The following RSBN1L variants were observed in gnomAD, a reference collection of about 807,000 sequenced individuals.
RSBN1L encodes round spermatid basic protein 1 like, also known as lysine-specific demethylase RSBN1L.
Under a neutral mutation model 67.7 loss-of-function variants are expected in RSBN1L, and 30 were observed. The observed-to-expected ratio is 0.44, with a 90% confidence interval of 0.33 to 0.60. The LOEUF (loss-of-function observed/expected upper bound fraction) is 0.60. Ranked by LOEUF, RSBN1L falls within the 20% of genes least tolerant of loss-of-function variation. The pLI is 0.02. For missense variants in RSBN1L, 992 were observed against 1,031.7 expected (o/e 0.96, Z 0.53); for synonymous variants, 433 against 387.0 (o/e 1.12, Z -1.39).
At chr7:77,734,190 C>T (rs1313601660) in intron 1 of RSBN1L, among the ~76,000 whole-genome samples, 1 of 152,040 alleles carries the variant, frequency 6.6e-6, no homozygotes, top group African/African-American at 2.4e-5. Flanking sequence ...ATCCTGAGTA[C>T]CTTTAGGGGT....
At chr7:77,775,981 A>G (rs913122368) in intron 6 of RSBN1L, among the ~76,000 whole-genome samples, 4 of 151,918 alleles carry the variant, frequency 2.6e-5, no homozygotes, top group African/African-American at 9.7e-5. Context: ...GCTTGAACCT[A>G]GGAGGTGAAG....
intron 1 of RSBN1L, among the ~76,000 whole-genome samples, chr7:77,729,700 C>A (rs1338610693): frequency 6.6e-6 from 1 of 152,114 alleles, no homozygotes; most frequent in Non-Finnish European, 1.5e-5. Flanking sequence ...CCACTGTAAT[C>A]CCAGCACTTT....
At chr7:77,736,289 A>G (rs560106557) in intron 1 of RSBN1L, 121 bp from the exon 2 acceptor site, 1 of 354,030 alleles carries the variant, frequency 2.8e-6, no homozygotes, top group Non-Finnish European at 4.7e-6. Flanking sequence ...AAAAGGCATT[A>G]TTTGTTCCTC....
chr7:77,762,264 A>G (rs1402123041), intron 3 of RSBN1L, among the ~76,000 whole-genome samples: 1 of 152,144 alleles, frequency 6.6e-6, no homozygotes, highest in Non-Finnish European at 1.5e-5. Flanking sequence ...CAGGGTCTCT[A>G]AAAAATCCTT....
chr7:77,713,681 A>G (rs1202171300), intron 1 of RSBN1L, among the ~76,000 whole-genome samples: 1 of 147,130 alleles, frequency 6.8e-6, no homozygotes, highest in African/African-American at 2.5e-5. Flanking sequence ...TTTTTTTTTA[A>G]AAATAGAGAC....
chr7:77,764,565 A>T (rs1791737802), intron 3 of RSBN1L, among the ~76,000 whole-genome samples: 1 of 152,160 alleles, frequency 6.6e-6, no homozygotes, highest in Non-Finnish European at 1.5e-5. Flanking sequence ...TCTGAAGGTC[A>T]TGTAACTGGT....
chr7:77,726,776 A>T lies in RSBN1L; in HGVS notation c.587-9634A>T, dbSNP rs1454934559. ...AGGCGCGTGCCACCACACCCAGCTA[A>T]TTTTTTTTTTTTTTTTTTTTTGAGG... On this transcript the variant is annotated intron_variant, in intron 1 of 7. Transcript: ENST00000334955. Among the ~76,000 whole-genome samples, 88 of 112,280 alleles carry T rather than the reference A, an allele frequency of 7.8e-4. 1 individual carries two copies. Among genetic ancestry groups the T allele is most frequent in the African/African-American group, 2.7e-3 (76 of 28,234 alleles). 73.7% of individuals were successfully genotyped at this position (112,280 alleles called of 152,430 possible).
intron 3 of RSBN1L, among the ~76,000 whole-genome samples, chr7:77,757,448 A>T (rs1791634727): frequency 6.6e-6 from 1 of 152,244 alleles, no homozygotes. Flanking sequence ...AGGAAACTGT[A>T]TCATGAAAGT....
At chr7:77,748,813 A>G (rs958482667) in intron 2 of RSBN1L, among the ~76,000 whole-genome samples, 2 of 152,112 alleles carry the variant, frequency 1.3e-5, no homozygotes, top group Admixed American at 6.6e-5. Context: ...ATATTCATTC[A>G]TCTCCTTATT....
At position 77,761,499 on chromosome 7, in the gene RSBN1L, A is replaced by AT. The variant is rs541394953; in HGVS notation, c.1345-3989dup. 9.9e-5 allele frequency among the ~76,000 whole-genome samples: 15 copies of AT among 152,222 alleles called. No individual in the cohort carries two copies. The South Asian group carries it at 2.7e-3, about 27-fold the overall frequency. ...GTGATTTTTAGAGAAATGAGGCTTG[A>AT]TTTTTTTGTAATAGGTGAATTCTGC... On this transcript the variant is annotated intron_variant, in intron 3 of 7. Coordinates refer to ENST00000334955, the MANE Select transcript of RSBN1L (RefSeq NM_198467.3).
At chr7:77,732,955 T>C (rs544771564) in intron 1 of RSBN1L, among the ~76,000 whole-genome samples, 1 of 152,290 alleles carries the variant, frequency 6.6e-6, no homozygotes, top group African/African-American at 2.4e-5. Flanking sequence ...TTATCATAGC[T>C]CTGCCATGTA....
intron 5 of RSBN1L, among the ~76,000 whole-genome samples, chr7:77,771,765 C>T (rs1480289330): frequency 6.6e-6 from 1 of 152,066 alleles, no homozygotes; most frequent in Non-Finnish European, 1.5e-5. Flanking sequence ...CTGCCTTGGC[C>T]TCCCAAAGTG....
chr7:77,763,031 G>T (rs920553932), intron 3 of RSBN1L, among the ~76,000 whole-genome samples: 17 of 152,062 alleles, frequency 1.1e-4, no homozygotes, highest in African/African-American at 4.1e-4. Context: ...CAGTGGCAAG[G>T]ACTTGATTAT....
chr7:77,753,461 T>C (rs1362975308), intron 3 of RSBN1L, among the ~76,000 whole-genome samples: 3 of 152,232 alleles, frequency 2.0e-5, no homozygotes, highest in African/African-American at 4.8e-5. Flanking sequence ...CAATTTCTTA[T>C]TTGCTTTTTT....
chr7:77,697,149 C>A, intron 1 of RSBN1L, 94 bp downstream of exon 1: 2 of 1,263,122 alleles, frequency 1.6e-6, no homozygotes, highest in Non-Finnish European at 2.0e-6. Flanking sequence ...GCGCGGCGGC[C>A]GCGTGCGCCG....
intron 1 of RSBN1L, among the ~76,000 whole-genome samples, chr7:77,734,515 A>G (rs966779001): frequency 5.3e-5 from 8 of 151,408 alleles, no homozygotes; most frequent in African/African-American, 1.9e-4. Context: ...CCAAGATGTA[A>G]TCTCACTCTG....
chr7:77,739,609 A>G (rs1791381043), intron 2 of RSBN1L, among the ~76,000 whole-genome samples: 1 of 139,252 alleles, frequency 7.2e-6, no homozygotes, highest in Admixed American at 7.4e-5. Context: ...GCTACTCGTG[A>G]GGCTGAGGCA....
At chr7:77,697,190 C>T (rs968845874) in intron 1 of RSBN1L, 135 bp downstream of exon 1, 31 of 1,024,360 alleles carry the variant, frequency 3.0e-5, no homozygotes, top group Non-Finnish European at 3.3e-5. Flanking sequence ...GTCCGGTTTT[C>T]AGCAGAGGAT....
At chr7:77,758,132 T>C (rs1791645165) in intron 3 of RSBN1L, among the ~76,000 whole-genome samples, 1 of 152,154 alleles carries the variant, frequency 6.6e-6, no homozygotes, top group African/African-American at 2.4e-5. Context: ...AGTAATGTTA[T>C]ATGTGTTTTG....
Sources: allele counts gnomAD v4.1 joint callset (sites outside exome capture counted in the v4.1 genomes callset), GRCh38; gene constraint gnomAD v4.1.1; transcripts MANE v1.5; gene names NCBI Gene and HGNC (gene_info 2026-07-23, HGNC 2026-07-21).